Variants in RABGAP1L observed in about 807,000 individuals in gnomAD.
The protein encoded by RABGAP1L is rab GTPase-activating protein 1-like.
In RABGAP1L, 63 loss-of-function variants were observed where a neutral mutation model predicts 137.7. The ratio of observed to expected loss-of-function variants is 0.46; its 90% CI spans 0.37 to 0.56. The LOEUF (loss-of-function observed/expected upper bound fraction) is 0.56. RABGAP1L is among the 20% of genes least tolerant of loss of function. The pLI is 0.00. For synonymous variants in RABGAP1L, 431 were observed against 433.7 expected, an observed-to-expected ratio of 0.99 and a Z score of 0.08; for missense variants, 1,095 against 1,244.0, an observed-to-expected ratio of 0.88 and a Z score of 1.80.
At chr1:174,731,757 C>T (rs1258223538) in intron 17 of RABGAP1L, among the ~76,000 whole-genome samples, 3 of 152,200 alleles carry the variant, frequency 2.0e-5, no homozygotes, top group African/African-American at 7.2e-5. Context: ...TCTTGGTTTT[C>T]AGACTGTGTC....
chr1:174,913,348 GC>G (rs1249920964), intron 19 of RABGAP1L, among the ~76,000 whole-genome samples: 1 of 152,150 alleles, frequency 6.6e-6, no homozygotes, highest in African/African-American at 2.4e-5. Flanking sequence ...TTCCTCCAGA[GC>G]CTTTGCCTTG....
intron 18 of RABGAP1L, among the ~76,000 whole-genome samples, chr1:174,774,454 AGGCATAGTGGCCT>A (rs1156676372): frequency 6.6e-6 from 1 of 152,074 alleles, no homozygotes; most frequent in Non-Finnish European, 1.5e-5. Flanking sequence ...AAAAATAGCA[AGGCATAGTGGCCT>A]GGCATTGCAC....
At chr1:174,185,339 GC>G (rs1666717200) in intron 1 of RABGAP1L, among the ~76,000 whole-genome samples, 1 of 152,132 alleles carries the variant, frequency 6.6e-6, no homozygotes, top group South Asian at 2.1e-4. Flanking sequence ...TAGGCAGCTT[GC>G]TTTGAGAATT....
intron 19 of RABGAP1L, among the ~76,000 whole-genome samples, chr1:174,907,925 C>T (rs372774310): frequency 2.0e-5 from 3 of 152,156 alleles, no homozygotes; most frequent in Non-Finnish European, 4.4e-5. Flanking sequence ...TCAAGAAACC[C>T]ATTTCACCTA....
intron 13 of RABGAP1L, among the ~76,000 whole-genome samples, chr1:174,500,552 T>C (rs1661164275): frequency 6.6e-6 from 1 of 152,198 alleles, no homozygotes; most frequent in African/African-American, 2.4e-5. Flanking sequence ...CCTGCAGATA[T>C]TCATAGTGAA....
intron 14 of RABGAP1L, among the ~76,000 whole-genome samples, chr1:174,677,159 C>CAAAA (rs10636911): frequency 1.3e-4 from 16 of 126,356 alleles, no homozygotes; most frequent in African/African-American, 3.3e-4. Context: ...CCATCTCTAC[C>CAAAA]AAAAAAAAAA....
At chr1:174,434,144 CA>C (rs1558230230) in intron 13 of RABGAP1L, among the ~76,000 whole-genome samples, 2 of 151,792 alleles carry the variant, frequency 1.3e-5, no homozygotes, top group African/African-American at 4.8e-5. Context: ...CACACACACA[CA>C]CACACACCCT....
intron 13 of RABGAP1L, among the ~76,000 whole-genome samples, chr1:174,539,925 C>G (rs1665229120): frequency 6.6e-6 from 1 of 152,176 alleles, no homozygotes; most frequent in African/African-American, 2.4e-5. Flanking sequence ...TAAAAGTTTT[C>G]CTATTTCTCC....
chr1:174,954,466 T>C (rs886453096), intron 19 of RABGAP1L, among the ~76,000 whole-genome samples: 1 of 152,184 alleles, frequency 6.6e-6, no homozygotes, highest in Non-Finnish European at 1.5e-5. Flanking sequence ...GTAGCAAAAG[T>C]GACTTTTAAA....
intron 11 of RABGAP1L, among the ~76,000 whole-genome samples, chr1:174,357,627 A>G (rs1352064786): frequency 6.6e-6 from 1 of 152,206 alleles, no homozygotes; most frequent in East Asian, 1.9e-4. Context: ...AAGTCTACAT[A>G]GGAGCAAAAA....
At chr1:174,842,887 T>A (rs1693568469) in intron 19 of RABGAP1L, among the ~76,000 whole-genome samples, 1 of 152,200 alleles carries the variant, frequency 6.6e-6, no homozygotes, top group African/African-American at 2.4e-5. Flanking sequence ...AATTTTTCTA[T>A]TTCCATGTTA....
At chr1:174,575,191 A>G (rs756230578) in intron 13 of RABGAP1L, among the ~76,000 whole-genome samples, 2 of 152,092 alleles carry the variant, frequency 1.3e-5, no homozygotes, top group African/African-American at 4.8e-5. Context: ...CGGCCTCCCA[A>G]AGTGCTGGGA....
chr1:174,805,895 T>C (rs988144283), intron 18 of RABGAP1L, among the ~76,000 whole-genome samples: 1 of 152,238 alleles, frequency 6.6e-6, no homozygotes, highest in African/African-American at 2.4e-5. Flanking sequence ...CGAAATCTTA[T>C]TCGTATTATC....
At chr1:174,189,195 C>T (rs146343372) in intron 1 of RABGAP1L, among the ~76,000 whole-genome samples, 1,660 of 152,118 alleles carry the variant, frequency 0.011, 20 homozygotes, top group Middle Eastern at 0.044. Context: ...TTGGTAGAGA[C>T]GGGGTTTCAC....
intron 17 of RABGAP1L, among the ~76,000 whole-genome samples, chr1:174,731,625 C>T (rs6663749): frequency 0.012 from 1,814 of 152,304 alleles, 40 homozygotes; most frequent in African/African-American, 0.042. Flanking sequence ...CTTTTCCTTG[C>T]CATTCCTGGC....
At chr1:174,351,726 C>CTA (rs1188190891) in intron 11 of RABGAP1L, among the ~76,000 whole-genome samples, 2 of 151,992 alleles carry the variant, frequency 1.3e-5, no homozygotes, top group Non-Finnish European at 2.9e-5. Flanking sequence ...GCTTGGTGTT[C>CTA]TATAACCTTT....
chr1:174,609,399 A>G (rs1349786151), intron 13 of RABGAP1L, among the ~76,000 whole-genome samples: 3 of 152,198 alleles, frequency 2.0e-5, no homozygotes, highest in Non-Finnish European at 2.9e-5. Flanking sequence ...ATGAGAGTCA[A>G]TTAGGAAAAA....
At chr1:174,542,158 A>G (rs1665517942) in intron 13 of RABGAP1L, among the ~76,000 whole-genome samples, 1 of 152,236 alleles carries the variant, frequency 6.6e-6, no homozygotes, top group African/African-American at 2.4e-5. Context: ...GAATAGTTTC[A>G]GAAGGAATGG....
At chr1:174,318,203 A>T (rs1679577769) in intron 11 of RABGAP1L, among the ~76,000 whole-genome samples, 2 of 152,050 alleles carry the variant, frequency 1.3e-5, no homozygotes. Flanking sequence ...CAATTGGTGA[A>T]GCTTTCTATT....
Sources: allele counts gnomAD v4.1 joint callset (sites outside exome capture counted in the v4.1 genomes callset), GRCh38; gene constraint gnomAD v4.1.1; transcripts MANE v1.5; gene names NCBI Gene and HGNC (gene_info 2026-07-23, HGNC 2026-07-21).